Variants in COL11A1 observed in about 807,000 individuals in gnomAD.
COL11A1 encodes collagen alpha-1(XI) chain.
A neutral mutation model predicts 265.2 loss-of-function variants in COL11A1; 74 were observed. That is an observed-to-expected ratio of 0.28 (90% CI 0.23 to 0.34). The LOEUF (loss-of-function observed/expected upper bound fraction) is 0.34, where lower values mean the gene tolerates loss of function less well. Ranked by LOEUF, COL11A1 falls within the 10% of genes least tolerant of loss-of-function variation. COL11A1 has a pLI of 1.00. For missense variants in COL11A1, 2,165 were observed against 2,263.6 expected, an observed-to-expected ratio of 0.96 and a Z score of 0.88; for synonymous variants, 816 against 727.6, an observed-to-expected ratio of 1.12 and a Z score of -1.96.
intron 54 of COL11A1, among the ~76,000 whole-genome samples, chr1:102,909,812 G>T (rs1303429978): frequency 6.6e-6 from 1 of 151,882 alleles, no homozygotes; most frequent in Non-Finnish European, 1.5e-5. Context: ...TTGAGGGGAG[G>T]TCTTCCTAGG....
At chr1:103,072,615 G>T (rs1671680674) in intron 4 of COL11A1, among the ~76,000 whole-genome samples, 1 of 151,690 alleles carries the variant, frequency 6.6e-6, no homozygotes, top group South Asian at 2.1e-4. Context: ...TAAGAAAAGA[G>T]ATATTAACAT....
chr1:102,983,424 G>A (rs140135548), intron 31 of COL11A1, among the ~76,000 whole-genome samples: 2 of 152,112 alleles, frequency 1.3e-5, no homozygotes, highest in African/African-American at 2.4e-5. Flanking sequence ...GATTGCCTAG[G>A]TGGTCCCTAA....
intron 1 of COL11A1, among the ~76,000 whole-genome samples, chr1:103,085,140 T>C (rs1044138948): frequency 6.6e-6 from 1 of 152,220 alleles, no homozygotes; most frequent in Non-Finnish European, 1.5e-5. Context: ...ATCACAAATA[T>C]GATGAGCTCT....
chr1:102,907,751 T>C (rs1276024029), intron 54 of COL11A1, among the ~76,000 whole-genome samples: 1 of 152,040 alleles, frequency 6.6e-6, no homozygotes, highest in Non-Finnish European at 1.5e-5. Flanking sequence ...GATTCATCTG[T>C]TATGCATGCA....
intron 65 of COL11A1, among the ~76,000 whole-genome samples, chr1:102,880,890 T>G (rs936297004): frequency 3.3e-5 from 5 of 152,048 alleles, no homozygotes; most frequent in Non-Finnish European, 7.4e-5. Context: ...CTGTATATAT[T>G]TTTAAACTTA....
intron 35 of COL11A1, among the ~76,000 whole-genome samples, chr1:102,975,571 C>T (rs931031225): frequency 6.6e-6 from 1 of 152,122 alleles, no homozygotes; most frequent in Admixed American, 6.5e-5. Context: ...TATTATTCAT[C>T]TCTCAAATTT....
intron 37 of COL11A1, among the ~76,000 whole-genome samples, chr1:102,966,251 A>G (rs529596619): frequency 6.6e-6 from 1 of 152,314 alleles, no homozygotes; most frequent in East Asian, 1.9e-4. Context: ...TTTCTTACCC[A>G]TGAGAGTTAA....
chr1:103,028,503 C>T (rs1036791348), intron 5 of COL11A1, among the ~76,000 whole-genome samples: 1 of 152,094 alleles, frequency 6.6e-6, no homozygotes, highest in African/African-American at 2.4e-5. Flanking sequence ...TCTCTCCCCT[C>T]ATTATGGAAT....
chr1:102,960,484 G>A (rs1202963793), intron 41 of COL11A1, among the ~76,000 whole-genome samples: 2 of 132,576 alleles, frequency 1.5e-5, no homozygotes, highest in African/African-American at 6.3e-5. Flanking sequence ...CTGGGTGTGT[G>A]TGTGGGGGGG....
At chr1:103,053,271 C>G (rs751588330) in intron 4 of COL11A1, among the ~76,000 whole-genome samples, 1 of 152,128 alleles carries the variant, frequency 6.6e-6, no homozygotes, top group Non-Finnish European at 1.5e-5. Flanking sequence ...CTTCTTGAAA[C>G]AGTTTTAGCC....
intron 5 of COL11A1, among the ~76,000 whole-genome samples, chr1:103,030,122 A>G (rs1244776811): frequency 6.6e-6 from 1 of 152,058 alleles, no homozygotes; most frequent in Non-Finnish European, 1.5e-5. Flanking sequence ...GAATCATGAG[A>G]GAATAAAAAG....
At chr1:103,030,233 C>T (rs1332576259) in intron 5 of COL11A1, among the ~76,000 whole-genome samples, 1 of 151,958 alleles carries the variant, frequency 6.6e-6, no homozygotes, top group Non-Finnish European at 1.5e-5. Context: ...TAAAATTTTA[C>T]CCTGTTTTTT....
At chr1:103,075,169 G>A (rs1272686628) in intron 3 of COL11A1, among the ~76,000 whole-genome samples, 2 of 152,090 alleles carry the variant, frequency 1.3e-5, no homozygotes, top group Non-Finnish European at 2.9e-5. Flanking sequence ...TTCTTCCAAA[G>A]TGGAATTCCA....
At chr1:103,051,385 A>T (rs1402443933) in intron 4 of COL11A1, among the ~76,000 whole-genome samples, 1 of 152,168 alleles carries the variant, frequency 6.6e-6, no homozygotes, top group African/African-American at 2.4e-5. Context: ...CTCCGTGGGC[A>T]CGTAGGACCC....
chr1:103,074,354 C>T (rs530087906), intron 4 of COL11A1, among the ~76,000 whole-genome samples: 3 of 152,012 alleles, frequency 2.0e-5, no homozygotes, highest in Non-Finnish European at 2.9e-5. Context: ...GCCGTTTGTC[C>T]TTCCCAGGAG....
intron 6 of COL11A1, 199 bp downstream of exon 6, chr1:103,026,002 GGAAATATAGAGCACA>G: frequency 6.4e-7 from 1 of 1,563,300 alleles, no homozygotes; most frequent in Non-Finnish European, 8.8e-7. Context: ...AAACGAGGAG[GGAAATATAGAGCACA>G]GATGAAAGGA....
chr1:103,032,381 TTTA>T (rs1483351381), intron 4 of COL11A1, among the ~76,000 whole-genome samples: 1 of 152,126 alleles, frequency 6.6e-6, no homozygotes, highest in Non-Finnish European at 1.5e-5. Flanking sequence ...TATTCATTTT[TTTA>T]TTAACAGATA....
At position 102,971,572 on chromosome 1, in the gene COL11A1, A is replaced by C. The variant is rs934867471; in HGVS notation, c.2809-1300T>G. ...AAATTGTTTTTGAACATCTATTTTT[A>C]ATATATGTTCTTATAGAGTGAGTAT... On this transcript the variant is annotated intron_variant, in intron 36 of 66. Transcript: ENST00000370096. 2.0e-5 allele frequency among the ~76,000 whole-genome samples: 3 copies of C among 152,286 alleles called. No homozygotes were observed. The South Asian group carries it at 6.2e-4, about 32-fold the overall frequency.
intron 4 of COL11A1, among the ~76,000 whole-genome samples, chr1:103,056,980 G>T (rs1330001536): frequency 6.6e-6 from 1 of 152,122 alleles, no homozygotes; most frequent in East Asian, 1.9e-4. Flanking sequence ...GCTTAGGGTG[G>T]TGGTTGCTGA....
Sources: gnomAD v4.1 joint callset for allele counts (sites outside exome capture counted in the v4.1 genomes callset) on GRCh38, gnomAD v4.1.1 for gene constraint, MANE v1.5 for transcripts, NCBI Gene and HGNC (gene_info 2026-07-23, HGNC 2026-07-21) for gene names.